PCDH15: variants seen among roughly 807,000 people sequenced by gnomAD.
PCDH15 encodes the protein protocadherin related 15, also known as protocadherin-15.
In PCDH15, 129 loss-of-function variants were observed where a neutral mutation model predicts 178.5. The observed-to-expected ratio is 0.72, with a 90% confidence interval of 0.63 to 0.84. PCDH15 has a LOEUF of 0.84. Among genes scored for constraint, PCDH15 ranks in the 40% least tolerant of loss-of-function variants. PCDH15 has a pLI of 0.00. For missense variants in PCDH15, 2,230 were observed against 2,099.9 expected (o/e 1.06, Z -1.21); for synonymous variants, 800 against 732.0 (o/e 1.09, Z -1.50).
At chr10:53,933,036 G>T (rs532882466) in intron 25 of PCDH15, among the ~76,000 whole-genome samples, 5 of 151,902 alleles carry the variant, frequency 3.3e-5, no homozygotes, top group Non-Finnish European at 7.4e-5. Context: ...CTTCCACCAC[G>T]ATTATAAGCT....
intron 26 of PCDH15, among the ~76,000 whole-genome samples, chr10:53,869,420 T>C (rs1379939689): frequency 6.6e-6 from 1 of 152,168 alleles, no homozygotes; most frequent in East Asian, 1.9e-4. Context: ...AGACATTTCT[T>C]CCACATAGAA....
intron 2 of PCDH15, among the ~76,000 whole-genome samples, chr10:55,027,344 C>A (rs535720489): frequency 6.6e-6 from 1 of 151,444 alleles, no homozygotes; most frequent in African/African-American, 2.4e-5. Flanking sequence ...AGATCAAGAG[C>A]AAAGTCACAC....
chr10:55,474,108 T>C (rs1840017043), intron 2 of PCDH15, among the ~76,000 whole-genome samples: 1 of 152,126 alleles, frequency 6.6e-6, no homozygotes, highest in South Asian at 2.1e-4. Flanking sequence ...AAAGTGAATA[T>C]TACCAATTTT....
intron 11 of PCDH15, among the ~76,000 whole-genome samples, chr10:54,188,374 T>C (rs945788320): frequency 5.3e-5 from 8 of 151,858 alleles, no homozygotes; most frequent in Non-Finnish European, 1.2e-4. Flanking sequence ...TGGCTTAATA[T>C]TCCAATAGGG....
chr10:54,398,675 A>C (rs192549777), intron 3 of PCDH15, among the ~76,000 whole-genome samples: 104 of 152,148 alleles, frequency 6.8e-4, no homozygotes, highest in African/African-American at 1.9e-3. Context: ...AAACAAAAAA[A>C]ACTGATATTA....
intron 2 of PCDH15, among the ~76,000 whole-genome samples, chr10:55,015,465 T>C (rs1288014191): frequency 1.3e-5 from 2 of 151,812 alleles, no homozygotes; most frequent in African/African-American, 2.4e-5. Flanking sequence ...ATTTAGGAGG[T>C]GGGTTTGAGT....
intron 2 of PCDH15, among the ~76,000 whole-genome samples, chr10:55,532,228 C>T (rs1841470629): frequency 1.3e-5 from 2 of 152,060 alleles, no homozygotes; most frequent in East Asian, 1.9e-4. Flanking sequence ...TTTCTCATAT[C>T]GGGAAACAGT....
intron 2 of PCDH15, among the ~76,000 whole-genome samples, chr10:55,110,424 C>T (rs899361038): frequency 6.6e-6 from 1 of 151,898 alleles, no homozygotes; most frequent in Admixed American, 6.6e-5. Context: ...TTTAAAAAGC[C>T]GCATTGTATT....
chr10:55,370,286 G>A (rs192533553), intron 2 of PCDH15, among the ~76,000 whole-genome samples: 1 of 152,132 alleles, frequency 6.6e-6, no homozygotes, highest in Admixed American at 6.5e-5. Context: ...AGCATGCATT[G>A]AACCAACCAG....
chr10:55,480,208 AT>A (rs1271009565), intron 2 of PCDH15, among the ~76,000 whole-genome samples: 1 of 151,690 alleles, frequency 6.6e-6, no homozygotes, highest in Non-Finnish European at 1.5e-5. Flanking sequence ...TGTAGAACTT[AT>A]CAGTGTAAGA....
chr10:55,392,160 A>C (rs1467808181), intron 2 of PCDH15, among the ~76,000 whole-genome samples: 3 of 152,186 alleles, frequency 2.0e-5, no homozygotes, highest in Non-Finnish European at 4.4e-5. Context: ...AAGATCACTG[A>C]ACACAGATCA....
intron 18 of PCDH15, among the ~76,000 whole-genome samples, chr10:54,048,851 C>A (rs555082334): frequency 2.2e-4 from 33 of 148,818 alleles, no homozygotes; most frequent in Admixed American, 2.0e-3. Flanking sequence ...TATTCAGGTT[C>A]TTTTTTGTTT....
At chr10:53,943,611 T>TA (rs1336544886) in intron 23 of PCDH15, among the ~76,000 whole-genome samples, 2 of 152,104 alleles carry the variant, frequency 1.3e-5, no homozygotes, top group African/African-American at 4.8e-5. Context: ...GAAATAATAC[T>TA]AAAAAAAGTA....
At chr10:55,536,094 GA>G (rs1841572923) in intron 2 of PCDH15, among the ~76,000 whole-genome samples, 2 of 151,960 alleles carry the variant, frequency 1.3e-5, no homozygotes, top group African/African-American at 4.8e-5. Flanking sequence ...CATTGCAATT[GA>G]TTACTAGGTT....
chr10:53,867,736 T>C (rs1304764271), intron 26 of PCDH15, among the ~76,000 whole-genome samples: 1 of 152,076 alleles, frequency 6.6e-6, no homozygotes, highest in Non-Finnish European at 1.5e-5. Flanking sequence ...AGGATAAATA[T>C]AAAAGAACGT....
chr10:55,466,009 G>A (rs971125395), intron 2 of PCDH15, among the ~76,000 whole-genome samples: 1 of 152,142 alleles, frequency 6.6e-6, no homozygotes, highest in East Asian at 1.9e-4. Context: ...TTTATTACAT[G>A]CCTACTGTGA....
At chr10:54,849,584 T>C (rs1297667046) in intron 3 of PCDH15, among the ~76,000 whole-genome samples, 1 of 152,188 alleles carries the variant, frequency 6.6e-6, no homozygotes, top group Non-Finnish European at 1.5e-5. Flanking sequence ...ATCCATATAA[T>C]ACTAAAAGTA....
In PCDH15 at chr10:54,653,051, T is replaced by C. The variant is rs756658079; in HGVS notation, c.91+11121A>G. Among the ~76,000 whole-genome samples, 5 of 152,334 alleles carry C rather than the reference T, an allele frequency of 3.3e-5. No homozygotes were observed. In the South Asian group the frequency reaches 1.0e-3, roughly 32 times the overall value. On this transcript the variant is annotated intron_variant, in intron 2 of 37. Coordinates refer to ENST00000644397, the MANE Select transcript of PCDH15 (RefSeq NM_001384140.1). The stretch of plus-strand genomic sequence containing the variant: ...CAGAAAATGACACATAGGTATTGTA[T>C]GCTTTGCCTTATTTGAACTCATGAT...
At chr10:55,152,879 T>TAC (rs1838772180) in intron 2 of PCDH15, among the ~76,000 whole-genome samples, 1 of 151,936 alleles carries the variant, frequency 6.6e-6, no homozygotes, top group Admixed American at 6.6e-5. Context: ...TATGGACACA[T>TAC]ACACACACAC....
Sources: gnomAD v4.1 joint callset for allele counts (sites outside exome capture counted in the v4.1 genomes callset) on GRCh38, gnomAD v4.1.1 for gene constraint, MANE v1.5 for transcripts, NCBI Gene and HGNC (gene_info 2026-07-23, HGNC 2026-07-21) for gene names.